DNAAF4: variants seen among roughly 807,000 people sequenced by gnomAD.
DNAAF4 encodes dynein axonemal assembly factor 4.
A neutral mutation model predicts 51.8 loss-of-function variants in DNAAF4; 43 were observed. That is an observed-to-expected ratio of 0.83 (90% CI 0.65 to 1.07). The LOEUF (loss-of-function observed/expected upper bound fraction) is 1.07. Among genes scored for constraint, DNAAF4 ranks in the 50% least tolerant of loss-of-function variants. The pLI, the probability that DNAAF4 is intolerant of heterozygous loss-of-function variation, is 0.00. For synonymous variants in DNAAF4, 194 were observed against 165.6 expected, an observed-to-expected ratio of 1.17 and a Z score of -1.32; for missense variants, 581 against 493.0, an observed-to-expected ratio of 1.18 and a Z score of -1.69.
At chr15:55,432,631 A>G in intron 8 of DNAAF4, 29 bp from the exon 9 acceptor site, 3 of 1,566,252 alleles carry the variant, frequency 1.9e-6, no homozygotes, top group Non-Finnish European at 2.6e-6. Flanking sequence ...TTATTACAAG[A>G]AAGTTATAGT....
At chr15:55,440,362 T>C (rs1314741692) in intron 6 of DNAAF4, among the ~76,000 whole-genome samples, 1 of 147,504 alleles carries the variant, frequency 6.8e-6, no homozygotes, top group Non-Finnish European at 1.5e-5. Context: ...ATGATGGTGA[T>C]TTTAATCTTG....
chr15:55,430,602 T>G lies in DNAAF4; in HGVS notation c.*68A>C. 6.4e-7 allele frequency: 1 copy of G among 1,550,442 alleles called. No individual in the cohort carries two copies. ...AGCGATTCTGTACAACTGGCCATAA[T>G]ATGTACAAAGATGCCTCCAGTTGTT... On this transcript the variant is annotated 3_prime_UTR_variant, in exon 10 of 10. Transcript: ENST00000321149.
chr15:55,439,401 T>A, intron 7 of DNAAF4, 71 bp downstream of exon 7: 1 of 1,334,964 alleles, frequency 7.5e-7, no homozygotes, highest in Non-Finnish European at 1.1e-6. Context: ...TGAGCCACCA[T>A]ACTCGTCCTA....
At chr15:55,484,343 G>C (rs928116469) in intron 4 of DNAAF4, among the ~76,000 whole-genome samples, 4 of 151,962 alleles carry the variant, frequency 2.6e-5, no homozygotes, top group Non-Finnish European at 5.9e-5. Context: ...AAATTAGCCA[G>C]GCGTGGTGGT....
At chr15:55,495,770 G>C (rs961636814) in intron 3 of DNAAF4, among the ~76,000 whole-genome samples, 1 of 151,976 alleles carries the variant, frequency 6.6e-6, no homozygotes, top group African/African-American at 2.4e-5. Context: ...ATAAATTCCA[G>C]GCAGTAAACA....
At chr15:55,498,892 CAA>C (rs933280371) in intron 1 of DNAAF4, among the ~76,000 whole-genome samples, 2 of 123,688 alleles carry the variant, frequency 1.6e-5, no homozygotes, top group Non-Finnish European at 3.3e-5. Flanking sequence ...GCCTGGGAAA[CAA>C]GAGCGAAACT....
intron 6 of DNAAF4, among the ~76,000 whole-genome samples, chr15:55,444,471 G>A (rs1286018948): frequency 6.6e-6 from 1 of 152,188 alleles, no homozygotes; most frequent in Non-Finnish European, 1.5e-5. Context: ...TTGAAGTCAG[G>A]TGGCATGATG....
intron 7 of DNAAF4, among the ~76,000 whole-genome samples, chr15:55,422,980 A>G (rs2057400644): frequency 6.6e-6 from 1 of 151,948 alleles, no homozygotes; most frequent in African/African-American, 2.4e-5. Context: ...CTGGGTGACA[A>G]GCAAAACTCC....
chr15:55,429,903 C>A (rs1034392115), downstream of DNAAF4, among the ~76,000 whole-genome samples: 1 of 151,782 alleles, frequency 6.6e-6, no homozygotes, highest in African/African-American at 2.4e-5. Flanking sequence ...TTGTGCTTAA[C>A]ACTTGCATAA....
intron 5 of DNAAF4, 62 bp downstream of exon 5, chr15:55,466,868 A>G: frequency 1.3e-6 from 2 of 1,555,740 alleles, no homozygotes; most frequent in Non-Finnish European, 1.7e-6. Context: ...ACAAAAAAAG[A>G]AAAGCGTCAT....
chr15:55,425,527 C>G (rs2057423129), downstream of DNAAF4, among the ~76,000 whole-genome samples: 1 of 152,096 alleles, frequency 6.6e-6, no homozygotes, highest in Non-Finnish European at 1.5e-5. Flanking sequence ...AAGAACTAAG[C>G]CTCGTTCCAT....
At chr15:55,456,955 A>G (rs1567015252) in intron 5 of DNAAF4, among the ~76,000 whole-genome samples, 2 of 152,196 alleles carry the variant, frequency 1.3e-5, no homozygotes, top group African/African-American at 4.8e-5. Context: ...TTGGGGCAGG[A>G]CCACAGGGTG....
At chr15:55,448,484 A>C (rs1267410622) in intron 6 of DNAAF4, among the ~76,000 whole-genome samples, 1 of 135,016 alleles carries the variant, frequency 7.4e-6, no homozygotes, top group Admixed American at 8.3e-5. Context: ...TGGGCAGCAG[A>C]GCAAGACCCC....
At chr15:55,424,992 A>T (rs2057418049) in intron 7 of DNAAF4, among the ~76,000 whole-genome samples, 1 of 151,888 alleles carries the variant, frequency 6.6e-6, no homozygotes, top group South Asian at 2.1e-4. Flanking sequence ...CAGCCTCCTG[A>T]GTAGCTGGGA....
At chr15:55,433,959 AT>A (rs2057558888) in intron 8 of DNAAF4, among the ~76,000 whole-genome samples, 1 of 12,580 alleles carries the variant, frequency 7.9e-5, no homozygotes, top group African/African-American at 6.4e-4. Context: ...TATATAATAT[AT>A]ATAATATATT....
At chr15:55,437,363 G>C (rs1200924120) in intron 7 of DNAAF4, among the ~76,000 whole-genome samples, 3 of 152,164 alleles carry the variant, frequency 2.0e-5, no homozygotes, top group African/African-American at 7.2e-5. Flanking sequence ...GTCAGTTCCA[G>C]GCTTCTAACC....
At position 55,497,595 on chromosome 15, in the gene DNAAF4, TA is replaced by T. The variant is rs112865941; in HGVS notation, c.271+116del. On this transcript the variant is annotated intron_variant, in intron 3 of 9. Coordinates refer to ENST00000321149, the MANE Select transcript of DNAAF4 (RefSeq NM_130810.4). ...AGCCTGGGCGACAGAGCAAGACTCT[TA>T]AAAAAAAAAAATCTATCTTCCCCTA... 0.18 allele frequency: 175,325 copies of T among 983,824 alleles called. 9,698 individuals are homozygous for T. The highest frequency in any genetic ancestry group is 0.52 in the African/African-American group (32,094 of 61,138). 60.9% of individuals were successfully genotyped at this position (983,824 alleles called of 1,614,324 possible). A position where few individuals can be genotyped will look rare whatever the true frequency, so the allele number is the denominator to read the frequency against.
intron 4 of DNAAF4, among the ~76,000 whole-genome samples, chr15:55,468,999 G>C (rs2058209216): frequency 6.6e-6 from 1 of 152,096 alleles, no homozygotes; most frequent in Non-Finnish European, 1.5e-5. Context: ...CAAAGCTTAT[G>C]ATAAAGAGAA....
At chr15:55,447,800 G>T (rs1595905596) in intron 6 of DNAAF4, among the ~76,000 whole-genome samples, 5 of 116,638 alleles carry the variant, frequency 4.3e-5, no homozygotes, top group Middle Eastern at 4.8e-3. Context: ...AGGGGAGAGG[G>T]GAGAGGGCAG....
Sources: allele counts gnomAD v4.1 joint callset (sites outside exome capture counted in the v4.1 genomes callset), GRCh38; gene constraint gnomAD v4.1.1; transcripts MANE v1.5; gene names NCBI Gene and HGNC (gene_info 2026-07-23, HGNC 2026-07-21).